Variants in MAST2 observed in about 807,000 individuals in gnomAD.
MAST2 encodes the protein microtubule associated serine/threonine kinase 2, also known as microtubule-associated serine/threonine-protein kinase 2.
MAST2 carries 70 observed loss-of-function variants against 147.4 expected under a neutral mutation model. The ratio of observed to expected loss-of-function variants is 0.47; its 90% confidence interval spans 0.39 to 0.58. MAST2 has a LOEUF of 0.58. Ranked by LOEUF, MAST2 falls within the 20% of genes least tolerant of loss-of-function variation. The pLI, the probability that MAST2 is intolerant of heterozygous loss-of-function variation, is 0.00. For missense variants in MAST2, 2,080 were observed against 2,302.3 expected (o/e 0.90, Z 1.98); for synonymous variants, 869 against 896.8 (o/e 0.97, Z 0.55).
intron 6 of MAST2, among the ~76,000 whole-genome samples, chr1:45,998,275 G>T (rs989509572): frequency 1.3e-5 from 2 of 152,162 alleles, no homozygotes; most frequent in African/African-American, 4.8e-5. Context: ...GCTGGAGTTC[G>T]TTTGGGGGAT....
chr1:46,000,586 C>T (rs891058230), intron 6 of MAST2, among the ~76,000 whole-genome samples: 2 of 152,124 alleles, frequency 1.3e-5, no homozygotes, highest in African/African-American at 4.8e-5. Context: ...TGCTAAGTGG[C>T]ATGACATTTG....
chr1:45,842,715 C>A (rs946855410), intron 3 of MAST2, among the ~76,000 whole-genome samples: 3 of 152,110 alleles, frequency 2.0e-5, no homozygotes, highest in African/African-American at 7.2e-5. Flanking sequence ...TGGGCTGTTT[C>A]CACCTTTTGG....
At chr1:45,878,374 A>C (rs1303764300) in intron 3 of MAST2, among the ~76,000 whole-genome samples, 1 of 152,190 alleles carries the variant, frequency 6.6e-6, no homozygotes, top group African/African-American at 2.4e-5. Flanking sequence ...TGTGAGAAAG[A>C]CTATGAACAA....
chr1:45,995,506 A>G (rs6693222), intron 5 of MAST2, among the ~76,000 whole-genome samples: 30,423 of 152,170 alleles, frequency 0.2, 3,560 homozygotes, highest in Non-Finnish European at 0.26. Flanking sequence ...AGTTTATTCA[A>G]CTTACATACA....
chr1:45,944,879 T>G (rs1187758671), intron 4 of MAST2, among the ~76,000 whole-genome samples: 1 of 152,232 alleles, frequency 6.6e-6, no homozygotes, highest in Non-Finnish European at 1.5e-5. Context: ...AGTTCTCTTC[T>G]TCACATATCT....
At position 46,035,269 on chromosome 1, in the gene MAST2, G is replaced by A. The variant is rs756500926; in HGVS notation, c.4600G>A (p.Ala1534Thr). ...TCACCCAGAAGTGAGCCAGAGTGTG[G>A]CCCCTAAAGGAGCAGGAGAGAGTGG... Reference protein sequence around the residue: ...APHPEVSQSVAPKGAGESGEE... With the variant: ...APHPEVSQSVTPKGAGESGEE... The change falls in exon 29 of 29, where the codon GCC becomes ACC. Residue 1534 changes from alanine to threonine, a missense_variant. Transcript: ENST00000361297. The surrounding 1 kb of genome is among the most constrained non-coding windows in gnomAD (Gnocchi z 5.5). 13 of 1,613,886 alleles carry A rather than the reference G, an allele frequency of 8.1e-6. No homozygotes were observed. The South Asian group carries it at 1.3e-4, about 16-fold the overall frequency.
chr1:46,020,339 G>A (rs1646133832), intron 11 of MAST2, among the ~76,000 whole-genome samples: 1 of 152,086 alleles, frequency 6.6e-6, no homozygotes. Flanking sequence ...AGCATGGGAA[G>A]GAGCATTCAG....
rs572621460 is a variant in MAST2, at chr1:45,979,777, A to G, written c.593-17947A>G. On this transcript the variant is annotated intron_variant, in intron 5 of 28. Coordinates refer to ENST00000361297, the MANE Select transcript of MAST2 (RefSeq NM_015112.3). ...TTAAGCCCAGGAGTTTTGAGGCTGC[A>G]ATGAGCTATGCCTGCACCACTGCAC... is the stretch of plus-strand genomic sequence containing the variant. Among the ~76,000 whole-genome samples the G allele has an allele frequency of 3.9e-5, 6 of 152,304 alleles. No individual in the cohort carries two copies. In the South Asian group the frequency reaches 1.2e-3, roughly 32 times the overall value.
chr1:45,922,030 C>G (rs1440487277), intron 4 of MAST2, among the ~76,000 whole-genome samples: 1 of 152,148 alleles, frequency 6.6e-6, no homozygotes, highest in Non-Finnish European at 1.5e-5. Context: ...TAGGCAGGTC[C>G]TCCCGTTGAG....
chr1:45,927,793 A>G (rs922616269), intron 4 of MAST2, among the ~76,000 whole-genome samples: 4 of 152,228 alleles, frequency 2.6e-5, no homozygotes, highest in Non-Finnish European at 5.9e-5. Flanking sequence ...GCACAGGGGT[A>G]TTGATTGGGG....
At chr1:46,009,384 C>T (rs1419126404) in intron 9 of MAST2, among the ~76,000 whole-genome samples, 1 of 152,164 alleles carries the variant, frequency 6.6e-6, no homozygotes, top group Non-Finnish European at 1.5e-5. Context: ...TTCAACACCA[C>T]ATGCCTGTAC....
chr1:45,930,777 G>C (rs1655163662), intron 4 of MAST2, among the ~76,000 whole-genome samples: 1 of 152,094 alleles, frequency 6.6e-6, no homozygotes, highest in African/African-American at 2.4e-5. Flanking sequence ...AACCAAATGT[G>C]ACCTGTGGGC....
intron 4 of MAST2, among the ~76,000 whole-genome samples, chr1:45,945,572 G>C (rs1657909637): frequency 6.6e-6 from 1 of 152,186 alleles, no homozygotes; most frequent in Non-Finnish European, 1.5e-5. Flanking sequence ...ATTTATTGAG[G>C]AAGGAGGTAG....
intron 4 of MAST2, among the ~76,000 whole-genome samples, chr1:45,908,247 T>A (rs1424849947): frequency 2.0e-5 from 3 of 152,192 alleles, no homozygotes; most frequent in Non-Finnish European, 4.4e-5. Flanking sequence ...GTGCAGAACG[T>A]ACAGGTTTGT....
intron 3 of MAST2, among the ~76,000 whole-genome samples, chr1:45,868,628 A>G (rs1217501395): frequency 1.3e-5 from 2 of 152,136 alleles, no homozygotes; most frequent in African/African-American, 2.4e-5. Context: ...AGGATATATG[A>G]CAACATAATG....
intron 3 of MAST2, among the ~76,000 whole-genome samples, chr1:45,860,940 C>T (rs1030790810): frequency 6.6e-6 from 1 of 152,152 alleles, no homozygotes; most frequent in African/African-American, 2.4e-5. Context: ...AGTTGTTGAC[C>T]TCATTATCAT....
At chr1:45,994,779 T>C (rs1324191675) in intron 5 of MAST2, among the ~76,000 whole-genome samples, 1 of 152,108 alleles carries the variant, frequency 6.6e-6, no homozygotes. Context: ...TCAAATTCTT[T>C]ACTACACAAC....
chr1:46,032,412 TGACCATCCA>T lies in MAST2; in HGVS notation c.3414+13_3414+21del. The T allele has an allele frequency of 1.2e-6, 2 of 1,613,544 alleles. No individual in the cohort carries two copies. Among genetic ancestry groups the T allele is most frequent in the Non-Finnish European group, 1.7e-6 (2 of 1,179,526 alleles). On this transcript the variant is annotated intron_variant, in intron 25 of 28. Coordinates refer to ENST00000361297, the MANE Select transcript of MAST2 (RefSeq NM_015112.3). ...GTGCACCATATGGTGTGGGTATGTC[TGACCATCCA>T]GACCTGCTGTCTCCCTGCTTCATCA...
At chr1:46,005,379 C>T (rs545961268) in intron 7 of MAST2, among the ~76,000 whole-genome samples, 2 of 147,960 alleles carry the variant, frequency 1.4e-5, no homozygotes, top group African/African-American at 5.0e-5. Context: ...AAAAAAAAAA[C>T]CCCAGATCAT....
Sources: allele counts gnomAD v4.1 joint callset (sites outside exome capture counted in the v4.1 genomes callset), GRCh38; gene constraint gnomAD v4.1.1; non-coding constraint Gnocchi (gnomAD v3.1); transcripts MANE v1.5; gene names NCBI Gene and HGNC (gene_info 2026-07-23, HGNC 2026-07-21).